The following CDKAL1 variants were observed in gnomAD, a reference collection of about 807,000 sequenced individuals.
CDKAL1 encodes the protein threonylcarbamoyladenosine tRNA methylthiotransferase.
A neutral mutation model predicts 68.2 loss-of-function variants in CDKAL1; 32 were observed. The ratio of observed to expected loss-of-function variants is 0.47; its 90% CI spans 0.35 to 0.63. CDKAL1 has a LOEUF of 0.63. Ranked by LOEUF, CDKAL1 falls within the 30% of genes least tolerant of loss-of-function variation. The pLI is 0.00. For synonymous variants in CDKAL1, 234 were observed against 244.3 expected, an observed-to-expected ratio of 0.96 and a Z score of 0.39; for missense variants, 606 against 696.7, an observed-to-expected ratio of 0.87 and a Z score of 1.47.
chr6:20,962,034 A>G (rs1765082732), intron 10 of CDKAL1, among the ~76,000 whole-genome samples: 1 of 152,252 alleles, frequency 6.6e-6, no homozygotes. Flanking sequence ...ATTTTAGTGC[A>G]TTACTTACAA....
chr6:20,737,620 T>C (rs1022541073), intron 5 of CDKAL1, among the ~76,000 whole-genome samples: 1 of 152,206 alleles, frequency 6.6e-6, no homozygotes, highest in Non-Finnish European at 1.5e-5. Context: ...TTTTGTTTGA[T>C]AAGGTATTTC....
At chr6:20,796,061 A>G (rs755523729) in intron 8 of CDKAL1, among the ~76,000 whole-genome samples, 12 of 152,226 alleles carry the variant, frequency 7.9e-5, no homozygotes, top group Non-Finnish European at 1.2e-4. Context: ...ATGAAAATAC[A>G]GAAAGAAAAC....
At chr6:20,787,515 G>A (rs147628978) in intron 8 of CDKAL1, among the ~76,000 whole-genome samples, 9 of 152,308 alleles carry the variant, frequency 5.9e-5, no homozygotes, top group African/African-American at 2.2e-4. Flanking sequence ...AAGCTGGCAC[G>A]GTCCAGCTGT....
At chr6:20,631,587 A>C (rs1767677434) in intron 4 of CDKAL1, among the ~76,000 whole-genome samples, 1 of 152,174 alleles carries the variant, frequency 6.6e-6, no homozygotes, top group Non-Finnish European at 1.5e-5. Context: ...TTAATGGTGT[A>C]TTCCTTTAAA....
At chr6:20,548,741 T>A (rs1200436586) in intron 4 of CDKAL1, 36 bp downstream of exon 4, 3 of 974,682 alleles carry the variant, frequency 3.1e-6, no homozygotes, top group South Asian at 3.0e-5. Context: ...TTGATTAAAT[T>A]TTTCAGAATT....
chr6:20,625,441 G>C (rs1483330275), intron 4 of CDKAL1, among the ~76,000 whole-genome samples: 1 of 152,222 alleles, frequency 6.6e-6, no homozygotes, highest in East Asian at 1.9e-4. Context: ...GGCTCTCATA[G>C]TTACCGCCTG....
intron 10 of CDKAL1, among the ~76,000 whole-genome samples, chr6:20,973,421 G>A (rs1980458): frequency 0.7 from 106,375 of 151,986 alleles, 38,259 homozygotes; most frequent in East Asian, 0.88. Flanking sequence ...GCCAGTGAGC[G>A]GGGAGTGAAG....
chr6:20,681,759 C>T (rs1051837792), intron 5 of CDKAL1, among the ~76,000 whole-genome samples: 1 of 152,092 alleles, frequency 6.6e-6, no homozygotes, highest in African/African-American at 2.4e-5. Context: ...GCATGGAAGG[C>T]CTGGTGGAGC....
At chr6:21,019,904 CT>C (rs5874800) in intron 11 of CDKAL1, among the ~76,000 whole-genome samples, 20 of 149,094 alleles carry the variant, frequency 1.3e-4, no homozygotes, top group South Asian at 8.5e-4. Context: ...TAATTTTTAC[CT>C]TTTTTTTTTA....
chr6:20,660,067 G>A (rs1769215262), intron 5 of CDKAL1, among the ~76,000 whole-genome samples: 1 of 151,966 alleles, frequency 6.6e-6, no homozygotes, highest in African/African-American at 2.4e-5. Flanking sequence ...AATCCCACCT[G>A]GCTAAATAGT....
chr6:20,905,648 A>G (rs948218517), intron 9 of CDKAL1, among the ~76,000 whole-genome samples: 1 of 152,220 alleles, frequency 6.6e-6, no homozygotes, highest in African/African-American at 2.4e-5. Context: ...ATTATCATCA[A>G]ACTGTCGAAA....
intron 4 of CDKAL1, chr6:20,599,294 A>G (rs1765978879): frequency 2.3e-6 from 1 of 435,556 alleles, no homozygotes; most frequent in Non-Finnish European, 4.6e-6. Context: ...ATGTCAGATA[A>G]TAACTTGTAA....
intron 12 of CDKAL1, among the ~76,000 whole-genome samples, chr6:21,106,312 C>CT (rs1423548668): frequency 6.6e-6 from 1 of 152,224 alleles, no homozygotes; most frequent in Admixed American, 6.5e-5. Flanking sequence ...CGAGGACAAA[C>CT]TGTGTAGTGG....
chr6:20,984,678 C>T (rs956439158), intron 10 of CDKAL1, among the ~76,000 whole-genome samples: 4 of 152,138 alleles, frequency 2.6e-5, no homozygotes, highest in Non-Finnish European at 4.4e-5. Flanking sequence ...GTAATCTCCT[C>T]TCCGAAGCTA....
At chr6:21,187,111 AAC>A (rs1778046235) in intron 13 of CDKAL1, among the ~76,000 whole-genome samples, 1 of 152,210 alleles carries the variant, frequency 6.6e-6, no homozygotes, top group Admixed American at 6.5e-5. Context: ...TATGTTTGAT[AAC>A]ACATCTCAAT....
rs1232879286 is a variant in CDKAL1 at position 21,201,280 on chromosome 6, T to A, written c.1548+6T>A. On this transcript the variant is annotated splice_donor_region_variant and intron_variant, in intron 15 of 15. Coordinates refer to ENST00000274695, the MANE Select transcript of CDKAL1 (RefSeq NM_017774.3). Reference sequence around the variant, plus strand: ...AAGTCTCGGGTTTGACAAAGGTAAGTAAAAGATGCTCTCCTCTCTACCCTG... The same window carrying A: ...AAGTCTCGGGTTTGACAAAGGTAAGAAAAAGATGCTCTCCTCTCTACCCTG... The A allele has an allele frequency of 6.2e-7, 1 of 1,601,716 alleles. No individual in the cohort carries two copies. The highest frequency in any genetic ancestry group is 2.2e-5 in the East Asian group (1 of 44,614).
chr6:20,681,407 G>GT (rs758062959), intron 5 of CDKAL1, among the ~76,000 whole-genome samples: 6 of 152,058 alleles, frequency 3.9e-5, no homozygotes, highest in African/African-American at 9.7e-5. Context: ...TACATTTTGT[G>GT]TTTTTTTCCA....
chr6:20,877,573 G>T (rs763261641), intron 9 of CDKAL1, among the ~76,000 whole-genome samples: 1 of 152,172 alleles, frequency 6.6e-6, no homozygotes, highest in Non-Finnish European at 1.5e-5. Context: ...TATTACCGCA[G>T]CTGGCCCTTG....
At chr6:20,733,251 A>C (rs1419407966) in intron 5 of CDKAL1, among the ~76,000 whole-genome samples, 2 of 152,282 alleles carry the variant, frequency 1.3e-5, no homozygotes, top group Middle Eastern at 6.8e-3. Flanking sequence ...CTGTTCTTCC[A>C]TTCTTCCCTT....
Sources: allele counts gnomAD v4.1 joint callset (sites outside exome capture counted in the v4.1 genomes callset), GRCh38; gene constraint gnomAD v4.1.1; transcripts MANE v1.5; gene names NCBI Gene and HGNC (gene_info 2026-07-23, HGNC 2026-07-21).